The following AGPAT4 variants were observed in gnomAD, a reference collection of about 807,000 sequenced individuals.
AGPAT4 encodes the protein 1-acyl-sn-glycerol-3-phosphate acyltransferase delta.
In AGPAT4, 15 loss-of-function variants were observed where a neutral mutation model predicts 48.0. The observed-to-expected ratio is 0.31, with a 90% CI of 0.21 to 0.48. AGPAT4 has a LOEUF of 0.48. AGPAT4 is among the 20% of genes least tolerant of loss of function. AGPAT4 has a pLI of 0.99. For synonymous variants in AGPAT4, 178 were observed against 198.7 expected, an observed-to-expected ratio of 0.90 and a Z score of 0.88; for missense variants, 314 against 482.5, an observed-to-expected ratio of 0.65 and a Z score of 3.27.
intron 2 of AGPAT4, among the ~76,000 whole-genome samples, chr6:161,194,599 TGTG>T (rs1781017156): frequency 6.7e-6 from 1 of 150,220 alleles, no homozygotes; most frequent in African/African-American, 2.4e-5. Context: ...TATGTATGTA[TGTG>T]TGTCTATGTA....
intron 2 of AGPAT4, among the ~76,000 whole-genome samples, chr6:161,211,637 AC>A (rs1042299027): frequency 2.2e-4 from 34 of 152,276 alleles, no homozygotes; most frequent in South Asian, 6.2e-4. Context: ...TTTAAAAAAA[AC>A]GTTTATATGA....
chr6:161,232,411 C>T lies in AGPAT4; in HGVS notation c.-89-109G>A, dbSNP rs1782146472. The stretch of plus-strand genomic sequence containing the variant: ...ATACACTTGAGGTTAAACTCATGTG[C>T]GTTAGTTGATTTATCTTTATTTTGC... On this transcript the variant is annotated intron_variant, in intron 1 of 8. Transcript: ENST00000320285. This position sits in a 1 kb window ranked among gnomAD's most constrained non-coding sequence, Gnocchi z 6.8. 3 of 545,548 alleles carry T rather than the reference C, an allele frequency of 5.5e-6. No individual in the cohort carries two copies. The highest frequency in any genetic ancestry group is 3.2e-5 in the Admixed American group (1 of 31,472). 33.8% of individuals were successfully genotyped at this position (545,548 alleles called of 1,614,324 possible). A position where few individuals can be genotyped will look rare whatever the true frequency, so the allele number is the denominator to read the frequency against.
At chr6:161,174,522 T>C (rs1311441129) in intron 2 of AGPAT4, among the ~76,000 whole-genome samples, 1 of 152,282 alleles carries the variant, frequency 6.6e-6, no homozygotes, top group Admixed American at 6.5e-5. Flanking sequence ...GCTGACGTTG[T>C]TTATCAGCTT....
Position 161,144,251 on chromosome 6 carries a change from C to T in AGPAT4, c.843+2273G>A, listed in dbSNP as rs757979053. ...ACAGACACATACTGCTTAGAGAACT[C>T]GGTGTCGCCCCAGCCCTGCACGGAG... On this transcript the variant is annotated intron_variant, in intron 7 of 8. Transcript: ENST00000320285. The surrounding 1 kb of genome is among the most constrained non-coding windows in gnomAD (Gnocchi z 6.6). The T allele has an allele frequency of 2.0e-6, 1 of 510,374 alleles. No homozygotes were observed. Among genetic ancestry groups the T allele is most frequent in the Non-Finnish European group, 4.0e-6 (1 of 248,934 alleles). 31.6% of individuals were successfully genotyped at this position (510,374 alleles called of 1,614,324 possible).
chr6:161,192,209 G>A (rs906535116), intron 2 of AGPAT4, among the ~76,000 whole-genome samples: 5 of 143,350 alleles, frequency 3.5e-5, no homozygotes, highest in African/African-American at 1.3e-4. Context: ...GGAGTGCAGT[G>A]GCACAATCTC....
rs1363197968 is a variant in AGPAT4, at chr6:161,196,564, T to C, written c.179-30147A>G. On this transcript the variant is annotated intron_variant, in intron 2 of 8. Coordinates refer to ENST00000320285, the MANE Select transcript of AGPAT4 (RefSeq NM_020133.3). The surrounding 1 kb of genome is among the most constrained non-coding windows in gnomAD (Gnocchi z 4.3). ...ACTCAATGCCTGTAATCCCAGCATT[T>C]TGGGAGGCCGAGTCAGGCGGATCAC... is the stretch of plus-strand genomic sequence containing the variant. Among the ~76,000 whole-genome samples the C allele has an allele frequency of 6.6e-6, 1 of 151,946 alleles. No homozygotes were observed. Among genetic ancestry groups the C allele is most frequent in the Non-Finnish European group, 1.5e-5 (1 of 67,974 alleles).
In AGPAT4 at chr6:161,134,870, C is replaced by T. The variant is rs1779015151; in HGVS notation, c.*1670G>A. On this transcript the variant is annotated 3_prime_UTR_variant, in exon 9 of 9. Coordinates refer to ENST00000320285, the MANE Select transcript of AGPAT4 (RefSeq NM_020133.3). ...AGGGTGGGCAGATGTGCTGGGCGCT[C>T]CCATCAAGCCTGCCTGCAGGGCCGC... 1 of 152,240 alleles carries T rather than the reference C, an allele frequency of 6.6e-6. No individual in the cohort carries two copies. Among genetic ancestry groups the T allele is most frequent in the Non-Finnish European group, 1.5e-5 (1 of 68,074 alleles). 9.4% of individuals were successfully genotyped at this position (152,240 alleles called of 1,614,324 possible).
chr6:161,259,864 T>C lies in AGPAT4; in HGVS notation c.-90+14074A>G, dbSNP rs1398554890. Among the ~76,000 whole-genome samples, 1 of 152,168 alleles carries C rather than the reference T, an allele frequency of 6.6e-6. No individual in the cohort carries two copies. The highest frequency in any genetic ancestry group is 2.4e-5 in the African/African-American group (1 of 41,444). On this transcript the variant is annotated intron_variant, in intron 1 of 8. Coordinates refer to ENST00000320285, the MANE Select transcript of AGPAT4 (RefSeq NM_020133.3). This position sits in a 1 kb window ranked among gnomAD's most constrained non-coding sequence, Gnocchi z 4.9. ...AGCACCTAGCTCCATGGTATCTATG[T>C]GCACGCTGCACCCCCAGGGCCGAGT...
rs755151961 is a variant in AGPAT4 at position 161,166,359 on chromosome 6, C to T, written c.237G>A (p.Pro79=). Residue 79 remains proline (P), a synonymous_variant, in exon 3 of 9, where the codon CCG becomes CCA. Transcript: ENST00000320285. This position sits in a 1 kb window ranked among gnomAD's most constrained non-coding sequence, Gnocchi z 6.7. The part of the protein sequence containing the change: ...SGTECTIFTD[P]RAYLKYGKEN... ...CCTTCCCATACTTGAGGTAGGCGCG[C>T]GGGTCCGTGAAGATGGTGCATTCCG... 41 of 1,613,902 alleles carry T rather than the reference C, an allele frequency of 2.5e-5. No individual in the cohort carries two copies. The highest frequency in any genetic ancestry group is 3.3e-4 in the Middle Eastern group (2 of 6,076).
chr6:161,152,951 C>G (rs1779634926), intron 5 of AGPAT4, among the ~76,000 whole-genome samples: 1 of 152,226 alleles, frequency 6.6e-6, no homozygotes, highest in Non-Finnish European at 1.5e-5. Flanking sequence ...CCGAGGTCAG[C>G]TGTGACAGAC....
At position 161,220,176 on chromosome 6, in the gene AGPAT4, G is replaced by A. The variant is rs545970912; in HGVS notation, c.178+11860C>T. ...CAGGTATGTCAGCCACACAGCCTGC[G>A]CTATCACCAGATGACCTGAGCTAAT... is the stretch of plus-strand genomic sequence containing the variant. On this transcript the variant is annotated intron_variant, in intron 2 of 8. Coordinates refer to ENST00000320285, the MANE Select transcript of AGPAT4 (RefSeq NM_020133.3). The surrounding 1 kb of genome is among the most constrained non-coding windows in gnomAD (Gnocchi z 6.0). Among the ~76,000 whole-genome samples, 32 of 152,200 alleles carry A rather than the reference G, an allele frequency of 2.1e-4. No individual in the cohort carries two copies. The highest frequency in any genetic ancestry group is 3.4e-3 in the Middle Eastern group (1 of 294).
chr6:161,161,513 G>A lies in AGPAT4; in HGVS notation c.348+4735C>T. 1 of 456,658 alleles carries A rather than the reference G, an allele frequency of 2.2e-6. No individual in the cohort carries two copies. Among genetic ancestry groups the A allele is most frequent in the South Asian group, 1.5e-5 (1 of 64,568 alleles). 28.3% of individuals were successfully genotyped at this position (456,658 alleles called of 1,614,324 possible). Reference sequence around the variant, plus strand: ...TGCAGAGCTGATGAATTCACATGGTGGCGGGCAGCACTGGGTATCTGCCAT... The same window carrying A: ...TGCAGAGCTGATGAATTCACATGGTAGCGGGCAGCACTGGGTATCTGCCAT... On this transcript the variant is annotated intron_variant, in intron 3 of 8. Coordinates refer to ENST00000320285, the MANE Select transcript of AGPAT4 (RefSeq NM_020133.3). This position sits in a 1 kb window ranked among gnomAD's most constrained non-coding sequence, Gnocchi z 4.6.
At chr6:161,174,603 T>C (rs1780376265) in intron 2 of AGPAT4, among the ~76,000 whole-genome samples, 1 of 152,194 alleles carries the variant, frequency 6.6e-6, no homozygotes, top group African/African-American at 2.4e-5. Flanking sequence ...CAGGGACAAT[T>C]TGACTTCCTC....
rs1201876988 is a variant in AGPAT4, at chr6:161,169,565, G to A, written c.179-3148C>T. 6.6e-6 allele frequency among the ~76,000 whole-genome samples: 1 copy of A among 152,020 alleles called. No individual in the cohort carries two copies. The highest frequency in any genetic ancestry group is 1.5e-5 in the Non-Finnish European group (1 of 68,012). ...AGCTCACCGCAGCCTCAACCTCCTG[G>A]GTTCAAGCAATCCTTCCACCTTGGC... On this transcript the variant is annotated intron_variant, in intron 2 of 8. Transcript: ENST00000320285. The surrounding 1 kb of genome is among the most constrained non-coding windows in gnomAD (Gnocchi z 5.0).
intron 1 of AGPAT4, among the ~76,000 whole-genome samples, chr6:161,271,784 T>C (rs1783431320): frequency 6.6e-6 from 1 of 152,244 alleles, no homozygotes; most frequent in African/African-American, 2.4e-5. Context: ...CTGTGAAATT[T>C]TGAATCTGGA....
At chr6:161,192,835 G>T (rs1315173479) in intron 2 of AGPAT4, among the ~76,000 whole-genome samples, 1 of 152,172 alleles carries the variant, frequency 6.6e-6, no homozygotes, top group Non-Finnish European at 1.5e-5. Flanking sequence ...AGATACGATT[G>T]CATCATCTTC....
intron 2 of AGPAT4, among the ~76,000 whole-genome samples, chr6:161,228,712 G>A (rs1782049521): frequency 7.1e-6 from 1 of 140,464 alleles, no homozygotes; most frequent in South Asian, 2.3e-4. Context: ...GAGATTAAAT[G>A]GCATATCCTG....
At chr6:161,162,173 G>A (rs1403753561) in intron 3 of AGPAT4, among the ~76,000 whole-genome samples, 3 of 152,190 alleles carry the variant, frequency 2.0e-5, no homozygotes, top group Non-Finnish European at 2.9e-5. Context: ...AGAGGGCAAG[G>A]GAAGGTCTCA....
In AGPAT4 at chr6:161,180,004, TGCCCTGAATCCACTTCTAGGCA is replaced by T. The variant is rs1227922026; in HGVS notation, c.179-13609_179-13588del. 6.6e-6 allele frequency among the ~76,000 whole-genome samples: 1 copy of T among 151,944 alleles called. No individual in the cohort carries two copies. Among genetic ancestry groups the T allele is most frequent in the Non-Finnish European group, 1.5e-5 (1 of 68,008 alleles). On this transcript the variant is annotated intron_variant, in intron 2 of 8. Coordinates refer to ENST00000320285, the MANE Select transcript of AGPAT4 (RefSeq NM_020133.3). The surrounding 1 kb of genome is among the most constrained non-coding windows in gnomAD (Gnocchi z 6.4). The stretch of plus-strand genomic sequence containing the variant: ...AAGACAGGAAAGAAATTAAGAAGCA[TGCCCTGAATCCACTTCTAGGCA>T]GCCCTGAATCTGCTATCCCCAAAGA...
Sources: allele counts gnomAD v4.1 joint callset (sites outside exome capture counted in the v4.1 genomes callset), GRCh38; gene constraint gnomAD v4.1.1; non-coding constraint Gnocchi (gnomAD v3.1); transcripts MANE v1.5; gene names NCBI Gene and HGNC (gene_info 2026-07-23, HGNC 2026-07-21).